ZDHHC15: variants seen among roughly 807,000 people sequenced by gnomAD.
The protein encoded by ZDHHC15 is palmitoyltransferase ZDHHC15.
A neutral mutation model predicts 31.7 loss-of-function variants in ZDHHC15; 19 were observed. The ratio of observed to expected loss-of-function variants is 0.60; its 90% CI spans 0.42 to 0.88. The LOEUF (loss-of-function observed/expected upper bound fraction) is 0.88, where lower values mean the gene tolerates loss of function less well. Ranked by LOEUF, ZDHHC15 falls within the 40% of genes least tolerant of loss-of-function variation. The pLI is 0.00. For missense variants in ZDHHC15, 209 were observed against 251.2 expected, an observed-to-expected ratio of 0.83 and a Z score of 1.14; for synonymous variants, 103 against 90.0, an observed-to-expected ratio of 1.14 and a Z score of -0.82.
chrX:75,496,096 T>C (rs2084993156), intron 2 of ZDHHC15, among the ~76,000 whole-genome samples: 2 of 111,075 alleles, frequency 1.8e-5, no homozygotes, highest in Non-Finnish European at 3.8e-5. Flanking sequence ...AAGTATCTCC[T>C]GTCTTCAAGA....
At chrX:75,466,186 CAT>C (rs1239327202) in intron 3 of ZDHHC15, among the ~76,000 whole-genome samples, 1 of 112,031 alleles carries the variant, frequency 8.9e-6, no homozygotes, top group Non-Finnish European at 1.9e-5. Context: ...CCAAAACAAA[CAT>C]GTAAAAAAAG....
intron 3 of ZDHHC15, among the ~76,000 whole-genome samples, chrX:75,478,086 A>G: frequency 8.9e-6 from 1 of 111,777 alleles, no homozygotes; most frequent in Non-Finnish European, 1.9e-5. Flanking sequence ...CCTAATTTAG[A>G]GTAGTTACAC....
chrX:75,509,902 G>A (rs2085234084), intron 1 of ZDHHC15, among the ~76,000 whole-genome samples: 1 of 112,260 alleles, frequency 8.9e-6, no homozygotes, highest in South Asian at 3.7e-4. Context: ...ATGGTTCCCA[G>A]AGTTACATAT....
intron 10 of ZDHHC15, among the ~76,000 whole-genome samples, chrX:75,405,504 G>T (rs1036865636): frequency 9.0e-6 from 1 of 111,434 alleles, no homozygotes. Context: ...AACCAAAAAA[G>T]ATCAGGAGTA....
At chrX:75,477,080 T>G (rs188580901) in intron 3 of ZDHHC15, among the ~76,000 whole-genome samples, 2 of 111,669 alleles carry the variant, frequency 1.8e-5, no homozygotes, top group Admixed American at 1.9e-4. Context: ...TTTTTCTTGT[T>G]TTCATTCATC....
chrX:75,470,179 C>T (rs2147956150), intron 3 of ZDHHC15, among the ~76,000 whole-genome samples: 1 of 111,225 alleles, frequency 9.0e-6, no homozygotes, highest in East Asian at 2.9e-4. Context: ...AATCAGCTAC[C>T]AGCGAATATA....
intron 2 of ZDHHC15, among the ~76,000 whole-genome samples, chrX:75,497,216 C>A (rs2085015264): frequency 9.0e-6 from 1 of 111,041 alleles, no homozygotes; most frequent in African/African-American, 3.3e-5. Flanking sequence ...CCTTCAAGAC[C>A]ACAAACTAGA....
At chrX:75,437,598 C>T (rs1427777453) in intron 4 of ZDHHC15, among the ~76,000 whole-genome samples, 1 of 103,154 alleles carries the variant, frequency 9.7e-6, no homozygotes, top group Non-Finnish European at 2.0e-5. Flanking sequence ...CATCCATGTC[C>T]CTACAAAGGA....
chrX:75,432,064 C>T (rs1490771658), intron 4 of ZDHHC15, among the ~76,000 whole-genome samples: 1 of 111,790 alleles, frequency 8.9e-6, no homozygotes, highest in Non-Finnish European at 1.9e-5. Flanking sequence ...GTGATTTGCC[C>T]AGGGTCACAC....
At chrX:75,513,183 C>A (rs1406323183) in intron 1 of ZDHHC15, among the ~76,000 whole-genome samples, 1 of 111,549 alleles carries the variant, frequency 9.0e-6, no homozygotes, top group East Asian at 2.8e-4. Context: ...ACCATAAAAA[C>A]CCTAGAAGAA....
At position 75,395,920 on chromosome X, in the gene ZDHHC15, G is replaced by T. The variant is rs769077695; in HGVS notation, c.968-16722C>A. On this transcript the variant is annotated intron_variant, in intron 10 of 11. Coordinates refer to ENST00000373367, the MANE Select transcript of ZDHHC15 (RefSeq NM_144969.3). ...AAGAACACTCTCTTCAACAAATGGTGCTGGGAAAACTGGATATCCATATGC... is the reference window on the plus strand; with the variant it reads ...AAGAACACTCTCTTCAACAAATGGTTCTGGGAAAACTGGATATCCATATGC... Among the ~76,000 whole-genome samples, 126 of 112,275 alleles carry T rather than the reference G, an allele frequency of 1.1e-3. 1 individual carries two copies. Among genetic ancestry groups the T allele is most frequent in the African/African-American group, 3.9e-3 (121 of 30,950 alleles).
chrX:75,393,473 G>A (rs1427611264), intron 10 of ZDHHC15, among the ~76,000 whole-genome samples: 1 of 111,312 alleles, frequency 9.0e-6, no homozygotes, highest in African/African-American at 3.3e-5. Context: ...AAGGTCAAAA[G>A]TATTATGTAT....
At chrX:75,447,301 G>C (rs1462941738) in intron 4 of ZDHHC15, among the ~76,000 whole-genome samples, 1 of 112,388 alleles carries the variant, frequency 8.9e-6, no homozygotes, top group Admixed American at 9.4e-5. Context: ...TTTGGATACA[G>C]ATTTGTCTTC....
At chrX:75,485,568 A>G (rs2084764823) in intron 2 of ZDHHC15, among the ~76,000 whole-genome samples, 1 of 111,138 alleles carries the variant, frequency 9.0e-6, no homozygotes, top group African/African-American at 3.3e-5. Flanking sequence ...TGGAGACTGC[A>G]AGGCATGTTG....
At chrX:75,491,327 G>A (rs920370956) in intron 2 of ZDHHC15, among the ~76,000 whole-genome samples, 2 of 108,864 alleles carry the variant, frequency 1.8e-5, no homozygotes, top group African/African-American at 3.4e-5. Context: ...TCCTTTGTAG[G>A]GACATGGATG....
chrX:75,481,814 T>G (rs1445161123), intron 2 of ZDHHC15, among the ~76,000 whole-genome samples: 1 of 112,001 alleles, frequency 8.9e-6, no homozygotes, highest in Non-Finnish European at 1.9e-5. Context: ...AATTTCAGTC[T>G]GCATCAAAGC....
intron 8 of ZDHHC15, among the ~76,000 whole-genome samples, chrX:75,422,975 G>T (rs781167639): frequency 7.6e-5 from 5 of 66,213 alleles, no homozygotes; most frequent in African/African-American, 1.3e-4. Flanking sequence ...CCCACAACAG[G>T]CCCCAGAGTG....
chrX:75,465,879 A>G (rs2084396364), intron 3 of ZDHHC15, among the ~76,000 whole-genome samples: 1 of 111,823 alleles, frequency 8.9e-6, no homozygotes, highest in Non-Finnish European at 1.9e-5. Flanking sequence ...TATTCAGGAC[A>G]TAGGCACAGG....
At chrX:75,375,702 C>A (rs969226223) in intron 11 of ZDHHC15, among the ~76,000 whole-genome samples, 1 of 111,676 alleles carries the variant, frequency 9.0e-6, no homozygotes, top group Non-Finnish European at 1.9e-5. Flanking sequence ...AGGATTATGG[C>A]CTCCAGCTGC....
Sources: allele counts gnomAD v4.1 joint callset (sites outside exome capture counted in the v4.1 genomes callset), GRCh38; gene constraint gnomAD v4.1.1; transcripts MANE v1.5; gene names NCBI Gene and HGNC (gene_info 2026-07-23, HGNC 2026-07-21).